The following MPPED2 variants were observed in gnomAD, a reference collection of about 807,000 sequenced individuals.
MPPED2 encodes the protein metallophosphoesterase MPPED2.
Under a neutral mutation model 33.0 loss-of-function variants are expected in MPPED2, and 5 were observed. That is an observed-to-expected ratio of 0.15 (90% confidence interval 0.08 to 0.32). The LOEUF (loss-of-function observed/expected upper bound fraction) is 0.32. Among genes scored for constraint, MPPED2 ranks in the 10% least tolerant of loss-of-function variants. The pLI, the probability that MPPED2 is intolerant of heterozygous loss-of-function variation, is 1.00. For synonymous variants in MPPED2, 136 were observed against 141.9 expected (o/e 0.96, Z 0.29); for missense variants, 275 against 372.1 (o/e 0.74, Z 2.15).
chr11:30,443,049 A>G (rs531507203), intron 4 of MPPED2, among the ~76,000 whole-genome samples: 1 of 152,242 alleles, frequency 6.6e-6, no homozygotes, highest in Admixed American at 6.5e-5. Flanking sequence ...ATCAAGTCAC[A>G]TAAGAAATTC....
chr11:30,542,509 A>G (rs1334598635), intron 2 of MPPED2, among the ~76,000 whole-genome samples: 1 of 149,596 alleles, frequency 6.7e-6, no homozygotes, highest in Non-Finnish European at 1.5e-5. Context: ...ACATGCTTAT[A>G]GTTCCAGCTA....
chr11:30,477,066 C>T lies in MPPED2; in HGVS notation c.536+18230G>A, dbSNP rs994190083. 3.9e-5 allele frequency among the ~76,000 whole-genome samples: 6 copies of T among 151,994 alleles called. No individual in the cohort carries two copies. The South Asian group carries it at 6.2e-4, about 16-fold the overall frequency. Reference sequence around the variant, plus strand: ...ATACAATTGGTTTTTGTATCTTAATCCTGCATCCCATAACCTCATTCTTAT... The same window carrying T: ...ATACAATTGGTTTTTGTATCTTAATTCTGCATCCCATAACCTCATTCTTAT... On this transcript the variant is annotated intron_variant, in intron 4 of 6. Coordinates refer to ENST00000358117, the MANE Select transcript of MPPED2 (RefSeq NM_001584.3).
intron 6 of MPPED2, among the ~76,000 whole-genome samples, chr11:30,412,835 TAATTAATGATTTTTTTC>T (rs1381419392): frequency 2.0e-5 from 3 of 152,220 alleles, no homozygotes; most frequent in Non-Finnish European, 4.4e-5. Context: ...AGTTTAAAGG[TAATTAATGATTTTTTTC>T]AAAGATAAAA....
chr11:30,458,837 G>A lies in MPPED2; in HGVS notation c.536+36459C>T, dbSNP rs7130182. Among the ~76,000 whole-genome samples the A allele has an allele frequency of 3.9e-3, 565 of 145,120 alleles. 3 individuals carry two copies. Among genetic ancestry groups the A allele is most frequent in the African/African-American group, 0.013 (528 of 39,586 alleles). On this transcript the variant is annotated intron_variant, in intron 4 of 6. Transcript: ENST00000358117. ...ATGTGTTCTAAAGCTGGATGAGTGA[G>A]AACAATAAAATTATGTTAACTACGG...
chr11:30,449,679 A>C (rs495086), intron 4 of MPPED2, among the ~76,000 whole-genome samples: 90,992 of 152,004 alleles, frequency 0.6, 28,636 homozygotes, highest in African/African-American at 0.81. Context: ...AGGAAAAGTT[A>C]TCTGTTCTCC....
chr11:30,454,765 G>T (rs1454876074), intron 4 of MPPED2, among the ~76,000 whole-genome samples: 1 of 152,018 alleles, frequency 6.6e-6, no homozygotes, highest in African/African-American at 2.4e-5. Flanking sequence ...AGGTTGCTGG[G>T]CAAATCAAAA....
At chr11:30,447,118 G>C (rs1398482739) in intron 4 of MPPED2, among the ~76,000 whole-genome samples, 1 of 152,194 alleles carries the variant, frequency 6.6e-6, no homozygotes, top group Non-Finnish European at 1.5e-5. Flanking sequence ...CAGGTAGACA[G>C]GCGGCTGTTT....
At chr11:30,418,592 T>C (rs1022523082) in intron 4 of MPPED2, among the ~76,000 whole-genome samples, 5 of 152,218 alleles carry the variant, frequency 3.3e-5, no homozygotes, top group Admixed American at 2.6e-4. Context: ...TCTATTTTGT[T>C]CTGTGGGTAA....
chr11:30,504,882 G>T, intron 3 of MPPED2: 1 of 1,087,546 alleles, frequency 9.2e-7, no homozygotes, highest in Non-Finnish European at 1.2e-6. Flanking sequence ...TGTCAGGGCT[G>T]AGCCAGAAAC....
intron 6 of MPPED2, among the ~76,000 whole-genome samples, chr11:30,394,026 T>C (rs1947811047): frequency 1.3e-5 from 2 of 152,238 alleles, no homozygotes; most frequent in Admixed American, 6.5e-5. Context: ...ACAAGTGGAA[T>C]ATATCTTTTG....
At chr11:30,574,131 G>A (rs1956821102) in intron 2 of MPPED2, among the ~76,000 whole-genome samples, 1 of 152,104 alleles carries the variant, frequency 6.6e-6, no homozygotes. Flanking sequence ...AATGTCCTAG[G>A]CCTTCACATT....
chr11:30,432,155 C>G (rs1414947735), intron 4 of MPPED2, among the ~76,000 whole-genome samples: 2 of 138,008 alleles, frequency 1.4e-5, no homozygotes, highest in African/African-American at 5.7e-5. Flanking sequence ...GGGGATAGAG[C>G]AGGATTCTGT....
intron 2 of MPPED2, among the ~76,000 whole-genome samples, chr11:30,540,418 A>G (rs1178099828): frequency 6.6e-6 from 1 of 152,188 alleles, no homozygotes; most frequent in African/African-American, 2.4e-5. Flanking sequence ...AGATATAAAT[A>G]TAGTACCTAT....
In MPPED2 at chr11:30,411,228, G is replaced by T. The variant is rs949434013; in HGVS notation, c.*240C>A. The T allele has an allele frequency of 8.8e-7, 1 of 1,138,928 alleles. No homozygotes were observed. The highest frequency in any genetic ancestry group is 4.4e-5 in the Admixed American group (1 of 22,660). The allele number at this position is 1,138,928 out of a possible 1,614,324, so 70.6% of individuals were successfully genotyped here. On this transcript the variant is annotated 3_prime_UTR_variant, in exon 7 of 7. Transcript: ENST00000358117. ...TGGCGAACACTAACAATTTACAATG[G>T]CATGGCCTTTGAGAAAACAGAAGTC...
intron 2 of MPPED2, among the ~76,000 whole-genome samples, chr11:30,540,554 T>C (rs1470481616): frequency 1.3e-5 from 2 of 152,226 alleles, no homozygotes; most frequent in Non-Finnish European, 2.9e-5. Flanking sequence ...ATAGTATTTT[T>C]ACTACTATTA....
intron 4 of MPPED2, chr11:30,451,842 G>A: frequency 2.0e-6 from 2 of 985,332 alleles, no homozygotes; most frequent in Non-Finnish European, 2.4e-6. Flanking sequence ...GCGGTGGGAA[G>A]TCAGCTGGAG....
At chr11:30,585,848 C>T (rs1472161866) in intron 1 of MPPED2, among the ~76,000 whole-genome samples, 194 bp downstream of exon 1, 1 of 152,206 alleles carries the variant, frequency 6.6e-6, no homozygotes, top group Non-Finnish European at 1.5e-5. Context: ...CCCGCTCGTG[C>T]GGATGTCAGG....
At chr11:30,560,159 T>C (rs1409091681) in intron 2 of MPPED2, among the ~76,000 whole-genome samples, 1 of 152,186 alleles carries the variant, frequency 6.6e-6, no homozygotes, top group Non-Finnish European at 1.5e-5. Context: ...AGTCAGTAAT[T>C]ATTTTTATTG....
exon 7 of MPPED2, chr11:30,386,930 A>G: frequency 2.5e-6 from 1 of 395,122 alleles, no homozygotes; most frequent in Non-Finnish European, 4.5e-6. Flanking sequence ...TGCCTCATAT[A>G]TGCCTAACGT....
Sources: gnomAD v4.1 joint callset for allele counts (sites outside exome capture counted in the v4.1 genomes callset) on GRCh38, gnomAD v4.1.1 for gene constraint, MANE v1.5 for transcripts, NCBI Gene and HGNC (gene_info 2026-07-23, HGNC 2026-07-21) for gene names.